The following ROBO1 variants were observed in gnomAD, a reference collection of about 807,000 sequenced individuals.
The protein encoded by ROBO1 is roundabout guidance receptor 1.
Under a neutral mutation model 195.9 loss-of-function variants are expected in ROBO1, and 149 were observed. The ratio of observed to expected loss-of-function variants is 0.76; its 90% confidence interval spans 0.67 to 0.87. The LOEUF (loss-of-function observed/expected upper bound fraction) is 0.87, where lower values mean the gene tolerates loss of function less well. ROBO1 is among the 40% of genes least tolerant of loss of function. The pLI is 0.00. For synonymous variants in ROBO1, 816 were observed against 733.2 expected, an observed-to-expected ratio of 1.11 and a Z score of -1.82; for missense variants, 1,933 against 2,068.3, an observed-to-expected ratio of 0.93 and a Z score of 1.27.
chr3:79,104,095 A>T (rs2108516164), intron 3 of ROBO1, among the ~76,000 whole-genome samples: 1 of 151,772 alleles, frequency 6.6e-6, no homozygotes, highest in Middle Eastern at 3.4e-3. Context: ...CGACCTAGGG[A>T]TTTTGATTTG....
chr3:78,822,066 T>A (rs1017618304), intron 4 of ROBO1, among the ~76,000 whole-genome samples: 5 of 149,954 alleles, frequency 3.3e-5, no homozygotes, highest in Non-Finnish European at 7.4e-5. Context: ...TAATTATACA[T>A]CAGTCTCTGG....
chr3:78,934,996 C>T (rs1437466295), intron 4 of ROBO1, among the ~76,000 whole-genome samples: 1 of 151,894 alleles, frequency 6.6e-6, no homozygotes, highest in Non-Finnish European at 1.5e-5. Context: ...TCTCATTTTA[C>T]CCACATGAGG....
intron 2 of ROBO1, among the ~76,000 whole-genome samples, chr3:79,376,971 A>G (rs2036407363): frequency 1.3e-5 from 2 of 152,148 alleles, no homozygotes; most frequent in Admixed American, 6.5e-5. Flanking sequence ...ACATGCAACC[A>G]CAGTACTGTT....
intron 3 of ROBO1, among the ~76,000 whole-genome samples, chr3:79,021,226 T>C (rs1015569800): frequency 1.3e-5 from 2 of 152,342 alleles, no homozygotes; most frequent in Middle Eastern, 6.8e-3. Context: ...TACATCGATT[T>C]GGTCTTGCTA....
chr3:79,557,691 C>A (rs1942752137), intron 2 of ROBO1, among the ~76,000 whole-genome samples: 2 of 125,898 alleles, frequency 1.6e-5, no homozygotes, highest in African/African-American at 6.9e-5. Flanking sequence ...CGAGATCGCG[C>A]CACTGCACTC....
chr3:79,624,667 C>G (rs959402676), intron 1 of ROBO1, among the ~76,000 whole-genome samples: 2 of 152,008 alleles, frequency 1.3e-5, no homozygotes, highest in Non-Finnish European at 2.9e-5. Context: ...AATAAATATG[C>G]ACCCAATACA....
intron 3 of ROBO1, among the ~76,000 whole-genome samples, chr3:79,005,201 C>T (rs962405299): frequency 6.6e-6 from 1 of 152,162 alleles, no homozygotes; most frequent in African/African-American, 2.4e-5. Flanking sequence ...GCCCAGGGCA[C>T]ATTACTGCAC....
intron 2 of ROBO1, among the ~76,000 whole-genome samples, chr3:79,162,251 A>G (rs2080982098): frequency 6.6e-6 from 1 of 152,114 alleles, no homozygotes; most frequent in South Asian, 2.1e-4. Context: ...GTATTTCACT[A>G]GGTCAGAGAA....
chr3:79,275,097 T>C (rs1443953531), intron 2 of ROBO1, among the ~76,000 whole-genome samples: 1 of 151,962 alleles, frequency 6.6e-6, no homozygotes, highest in Admixed American at 6.6e-5. Flanking sequence ...TTTCAAAAAC[T>C]AGAGTAATAA....
At chr3:79,511,489 A>C (rs1419800037) in intron 2 of ROBO1, among the ~76,000 whole-genome samples, 4 of 152,126 alleles carry the variant, frequency 2.6e-5, no homozygotes, top group Admixed American at 1.3e-4. Flanking sequence ...AATTTTCATC[A>C]TCTTGTTTCC....
At chr3:78,893,629 A>G (rs1047404230) in intron 4 of ROBO1, among the ~76,000 whole-genome samples, 1 of 152,318 alleles carries the variant, frequency 6.6e-6, no homozygotes, top group Non-Finnish European at 1.5e-5. Flanking sequence ...TATAAAAATT[A>G]ATCACTATAG....
At chr3:78,623,813 G>T (rs187996993) in intron 26 of ROBO1, among the ~76,000 whole-genome samples, 1 of 152,220 alleles carries the variant, frequency 6.6e-6, no homozygotes, top group East Asian at 1.9e-4. Flanking sequence ...ATAAGTAGTT[G>T]GATATATGGG....
chr3:79,478,539 A>G (rs1938661718), intron 2 of ROBO1, among the ~76,000 whole-genome samples: 1 of 152,136 alleles, frequency 6.6e-6, no homozygotes, highest in Non-Finnish European at 1.5e-5. Context: ...CACCTTTCCA[A>G]TCCCATATGC....
chr3:79,467,096 C>T (rs1023651240), intron 2 of ROBO1, among the ~76,000 whole-genome samples: 1 of 152,082 alleles, frequency 6.6e-6, no homozygotes, highest in African/African-American at 2.4e-5. Flanking sequence ...CAAATGTTTG[C>T]TCTTTGTAGG....
chr3:79,266,196 T>C (rs1356944646), intron 2 of ROBO1, among the ~76,000 whole-genome samples: 1 of 151,614 alleles, frequency 6.6e-6, no homozygotes, highest in Non-Finnish European at 1.5e-5. Flanking sequence ...TTTAAGATGA[T>C]GAATGATTTA....
chr3:79,283,518 T>C (rs1017402503), intron 2 of ROBO1, among the ~76,000 whole-genome samples: 3 of 152,194 alleles, frequency 2.0e-5, no homozygotes, highest in African/African-American at 7.2e-5. Context: ...TCAGGCTTGA[T>C]CTAATTACCA....
At chr3:79,416,552 G>A (rs1355948733) in intron 2 of ROBO1, among the ~76,000 whole-genome samples, 1 of 149,892 alleles carries the variant, frequency 6.7e-6, no homozygotes, top group Non-Finnish European at 1.5e-5. Flanking sequence ...AAGGTGCAGT[G>A]AGCCATGATC....
intron 2 of ROBO1, among the ~76,000 whole-genome samples, chr3:79,546,518 C>T (rs962938537): frequency 2.0e-5 from 3 of 152,092 alleles, no homozygotes; most frequent in Non-Finnish European, 4.4e-5. Flanking sequence ...AAGAGTTAAG[C>T]GCTTTGGATT....
intron 3 of ROBO1, among the ~76,000 whole-genome samples, chr3:79,048,090 T>C (rs1445037163): frequency 6.6e-6 from 1 of 152,132 alleles, no homozygotes; most frequent in African/African-American, 2.4e-5. Context: ...TTCTTAACCA[T>C]ATATGGTTAC....
Sources: gnomAD v4.1 joint callset for allele counts (sites outside exome capture counted in the v4.1 genomes callset) on GRCh38, gnomAD v4.1.1 for gene constraint, MANE v1.5 for transcripts, NCBI Gene and HGNC (gene_info 2026-07-23, HGNC 2026-07-21) for gene names.